The following MACROD2 variants were observed in gnomAD, a reference collection of about 807,000 sequenced individuals.
MACROD2 encodes mono-ADP ribosylhydrolase 2, also known as ADP-ribose glycohydrolase MACROD2.
In MACROD2, 36 loss-of-function variants were observed where a neutral mutation model predicts 70.4. The ratio of observed to expected loss-of-function variants is 0.51; its 90% CI spans 0.39 to 0.68. The LOEUF (loss-of-function observed/expected upper bound fraction) is 0.68, where lower values mean the gene tolerates loss of function less well. Ranked by LOEUF, MACROD2 falls within the 30% of genes least tolerant of loss-of-function variation. MACROD2 has a pLI of 0.00. For synonymous variants in MACROD2, 172 were observed against 178.8 expected (o/e 0.96, Z 0.30); for missense variants, 496 against 538.4 (o/e 0.92, Z 0.78).
chr20:14,698,627 C>T (rs1307426518), intron 5 of MACROD2, among the ~76,000 whole-genome samples: 2 of 151,334 alleles, frequency 1.3e-5, no homozygotes, highest in African/African-American at 4.9e-5. Context: ...TTTTCTTTTC[C>T]ACTAGAATAT....
At chr20:15,912,279 C>A (rs1215300831) in intron 10 of MACROD2, among the ~76,000 whole-genome samples, 1 of 152,130 alleles carries the variant, frequency 6.6e-6, no homozygotes, top group African/African-American at 2.4e-5. Flanking sequence ...TTTGGGTGTT[C>A]AATTGCTGTC....
chr20:14,049,755 A>AAAAAC (rs778450031), intron 2 of MACROD2, among the ~76,000 whole-genome samples: 1 of 151,272 alleles, frequency 6.6e-6, no homozygotes, highest in South Asian at 2.1e-4. Context: ...AGACTGTCTC[A>AAAAAC]AAAACAAAAC....
chr20:15,356,332 AGTAAG>A (rs1392181333), intron 6 of MACROD2, among the ~76,000 whole-genome samples: 6 of 152,234 alleles, frequency 3.9e-5, no homozygotes, highest in Non-Finnish European at 7.3e-5. Context: ...GCATAAGTAT[AGTAAG>A]GACTCAATAA....
At chr20:14,108,507 G>A (rs1484479916) in intron 3 of MACROD2, among the ~76,000 whole-genome samples, 1 of 150,836 alleles carries the variant, frequency 6.6e-6, no homozygotes, top group East Asian at 1.9e-4. Context: ...CCCAATGTCT[G>A]TTGCCTACAA....
intron 8 of MACROD2, among the ~76,000 whole-genome samples, chr20:15,747,605 T>A (rs1293517887): frequency 6.6e-6 from 1 of 152,196 alleles, no homozygotes; most frequent in African/African-American, 2.4e-5. Flanking sequence ...CTTGTATTAT[T>A]GCTTGTTGAT....
At chr20:15,066,469 A>T (rs2075576241) in intron 5 of MACROD2, among the ~76,000 whole-genome samples, 1 of 152,138 alleles carries the variant, frequency 6.6e-6, no homozygotes, top group Non-Finnish European at 1.5e-5. Context: ...AGCTCAGAAT[A>T]GGCCCAATGT....
intron 8 of MACROD2, among the ~76,000 whole-genome samples, chr20:15,615,809 G>A (rs911117314): frequency 2.0e-5 from 3 of 152,152 alleles, no homozygotes; most frequent in Non-Finnish European, 4.4e-5. Context: ...AGAAGGCAGG[G>A]AGGTACCTGT....
chr20:15,518,039 A>G (rs1339486661), intron 8 of MACROD2, among the ~76,000 whole-genome samples: 1 of 152,266 alleles, frequency 6.6e-6, no homozygotes, highest in Non-Finnish European at 1.5e-5. Context: ...TTTCAAAGGC[A>G]TCTGCCATAA....
chr20:15,292,510 T>G (rs6043178), intron 6 of MACROD2, among the ~76,000 whole-genome samples: 90,260 of 152,026 alleles, frequency 0.59, 27,483 homozygotes, highest in African/African-American at 0.68. Context: ...GATGAGATTT[T>G]GGTGGGGACA....
At chr20:15,586,450 A>G (rs2048602825) in intron 8 of MACROD2, among the ~76,000 whole-genome samples, 1 of 152,230 alleles carries the variant, frequency 6.6e-6, no homozygotes, top group African/African-American at 2.4e-5. Flanking sequence ...AATTTTATCT[A>G]TTGGTTTTGA....
intron 5 of MACROD2, among the ~76,000 whole-genome samples, chr20:15,171,738 T>C (rs1372816941): frequency 6.6e-6 from 1 of 152,178 alleles, no homozygotes; most frequent in Non-Finnish European, 1.5e-5. Flanking sequence ...TTCTCCTCCT[T>C]CTATCCCATT....
At chr20:15,010,539 C>T (rs1000206756) in intron 5 of MACROD2, among the ~76,000 whole-genome samples, 2 of 152,162 alleles carry the variant, frequency 1.3e-5, no homozygotes. Context: ...ATAACTTAAA[C>T]AGTGATTAGC....
chr20:14,837,489 A>G (rs547731982), intron 5 of MACROD2, among the ~76,000 whole-genome samples: 7 of 152,188 alleles, frequency 4.6e-5, no homozygotes, highest in African/African-American at 1.7e-4. Flanking sequence ...CAAAGCTTCA[A>G]TAATGTGTTT....
At chr20:14,623,661 T>TA (rs778423866) in intron 4 of MACROD2, among the ~76,000 whole-genome samples, 6 of 151,970 alleles carry the variant, frequency 3.9e-5, no homozygotes, top group Non-Finnish European at 8.8e-5. Flanking sequence ...AAACAGATAA[T>TA]AAAAATATTA....
At chr20:15,012,310 T>C (rs1335287187) in intron 5 of MACROD2, among the ~76,000 whole-genome samples, 1 of 152,206 alleles carries the variant, frequency 6.6e-6, no homozygotes, top group East Asian at 1.9e-4. Context: ...TCCCTTTCTC[T>C]GAACTGAAGA....
At chr20:14,158,674 C>G (rs1467009533) in intron 3 of MACROD2, among the ~76,000 whole-genome samples, 1 of 151,974 alleles carries the variant, frequency 6.6e-6, no homozygotes, top group Non-Finnish European at 1.5e-5. Flanking sequence ...GTGTCCTTTC[C>G]CAAAAGTATG....
At chr20:14,154,437 A>C (rs1601288110) in intron 3 of MACROD2, among the ~76,000 whole-genome samples, 1 of 144,590 alleles carries the variant, frequency 6.9e-6, no homozygotes, top group South Asian at 2.2e-4. Context: ...CCCAGGCTGG[A>C]GTCCAGTGGC....
At chr20:15,102,183 A>G (rs985029926) in intron 5 of MACROD2, among the ~76,000 whole-genome samples, 1 of 152,046 alleles carries the variant, frequency 6.6e-6, no homozygotes, top group African/African-American at 2.4e-5. Flanking sequence ...AGGCAAATAA[A>G]AAATCCTAAC....
intron 6 of MACROD2, among the ~76,000 whole-genome samples, chr20:15,338,724 T>A (rs2078075769): frequency 6.6e-6 from 1 of 151,754 alleles, no homozygotes; most frequent in Admixed American, 6.6e-5. Context: ...TAGTACAAGA[T>A]GGGGCTTGGA....
Sources: gnomAD v4.1 joint callset for allele counts (sites outside exome capture counted in the v4.1 genomes callset) on GRCh38, gnomAD v4.1.1 for gene constraint, MANE v1.5 for transcripts, NCBI Gene and HGNC (gene_info 2026-07-23, HGNC 2026-07-21) for gene names.